The following EPHA5 variants were observed in gnomAD, a reference collection of about 807,000 sequenced individuals.
The protein encoded by EPHA5 is ephrin type-A receptor 5.
In EPHA5, 60 loss-of-function variants were observed where a neutral mutation model predicts 105.0. The ratio of observed to expected loss-of-function variants is 0.57; its 90% CI spans 0.46 to 0.71. The LOEUF (loss-of-function observed/expected upper bound fraction) is 0.71. Among genes scored for constraint, EPHA5 ranks in the 30% least tolerant of loss-of-function variants. The pLI, the probability that EPHA5 is intolerant of heterozygous loss-of-function variation, is 0.00. For missense variants in EPHA5, 1,218 were observed against 1,274.7 expected, an observed-to-expected ratio of 0.96 and a Z score of 0.68; for synonymous variants, 513 against 449.1, an observed-to-expected ratio of 1.14 and a Z score of -1.80.
Position 65,539,797 on chromosome 4 carries a change from T to A in EPHA5, c.911-44254A>T, listed in dbSNP as rs77888967. 8.0e-3 allele frequency among the ~76,000 whole-genome samples: 1,221 copies of A among 151,744 alleles called. 16 individuals carry two copies. Among genetic ancestry groups the A allele is most frequent in the African/African-American group, 0.027 (1,140 of 41,520 alleles). ...TTGCTGTTACTATGAGTAATATTAG[T>A]GTTGATATCACCTTATTTCTGTTTT... On this transcript the variant is annotated intron_variant, in intron 3 of 16. Transcript: ENST00000613740.
At chr4:65,562,368 G>T (rs549914683) in intron 3 of EPHA5, among the ~76,000 whole-genome samples, 3 of 151,972 alleles carry the variant, frequency 2.0e-5, no homozygotes, top group African/African-American at 7.2e-5. Flanking sequence ...TTTTGGAGAC[G>T]TTTAGGGTTC....
intron 8 of EPHA5, among the ~76,000 whole-genome samples, chr4:65,373,775 C>G (rs148452843): frequency 3.3e-5 from 5 of 151,828 alleles, no homozygotes; most frequent in Non-Finnish European, 7.4e-5. Flanking sequence ...TTTAACATCT[C>G]TATTTTCAAA....
chr4:65,424,232 G>C (rs191678918), intron 5 of EPHA5, among the ~76,000 whole-genome samples: 62 of 152,042 alleles, frequency 4.1e-4, no homozygotes, highest in Non-Finnish European at 6.3e-4. Flanking sequence ...TGATATCAAT[G>C]ATATACAAAA....
At chr4:65,334,908 T>C (rs1206586662) in intron 15 of EPHA5, among the ~76,000 whole-genome samples, 2 of 151,920 alleles carry the variant, frequency 1.3e-5, no homozygotes, top group Non-Finnish European at 2.9e-5. Flanking sequence ...AATAAGCAAT[T>C]TAAAAGCAGA....
intron 1 of EPHA5, among the ~76,000 whole-genome samples, chr4:65,664,462 C>T (rs1414823438): frequency 6.6e-6 from 1 of 151,872 alleles, no homozygotes; most frequent in Non-Finnish European, 1.5e-5. Flanking sequence ...ACAAAGCCTT[C>T]AGAACTCATT....
chr4:65,664,188 TA>T (rs1232829653), intron 1 of EPHA5, among the ~76,000 whole-genome samples: 1 of 151,868 alleles, frequency 6.6e-6, no homozygotes, highest in African/African-American at 2.4e-5. Context: ...ATCAAATACT[TA>T]AAAAATAGAT....
intron 5 of EPHA5, among the ~76,000 whole-genome samples, chr4:65,442,555 T>C (rs1281933935): frequency 6.6e-6 from 1 of 152,174 alleles, no homozygotes; most frequent in African/African-American, 2.4e-5. Flanking sequence ...CAAATCTATA[T>C]ATCAGTGCCA....
At chr4:65,351,640 C>G (rs773172533) in intron 12 of EPHA5, 42 bp from the exon 13 acceptor site, 1 of 1,569,282 alleles carries the variant, frequency 6.4e-7, no homozygotes, top group Non-Finnish European at 8.8e-7. Flanking sequence ...CAACACCAAT[C>G]ACTGGGGGAA....
intron 3 of EPHA5, among the ~76,000 whole-genome samples, chr4:65,557,232 G>GTATATATATATATATATA (rs1738538201): frequency 6.9e-5 from 1 of 14,422 alleles, no homozygotes; most frequent in African/African-American, 1.8e-4. Flanking sequence ...ATTTATACTG[G>GTATATATATATATATATA]GATATATATA....
At chr4:65,369,965 TCAA>T (rs1030368594) in intron 8 of EPHA5, among the ~76,000 whole-genome samples, 8 of 152,018 alleles carry the variant, frequency 5.3e-5, no homozygotes, top group Non-Finnish European at 1.0e-4. Flanking sequence ...AGACTCCATC[TCAA>T]CAACAACAAC....
intron 3 of EPHA5, among the ~76,000 whole-genome samples, chr4:65,501,839 C>T (rs982140336): frequency 6.6e-6 from 1 of 151,634 alleles, no homozygotes; most frequent in Non-Finnish European, 1.5e-5. Context: ...ATTACATTAC[C>T]CAACTTCAAA....
At chr4:65,494,260 A>T (rs1731703251) in intron 4 of EPHA5, among the ~76,000 whole-genome samples, 1 of 152,206 alleles carries the variant, frequency 6.6e-6, no homozygotes, top group South Asian at 2.1e-4. Flanking sequence ...TGAAATTTAG[A>T]CACTATGAAA....
chr4:65,465,542 GA>G (rs1560567714), intron 5 of EPHA5, among the ~76,000 whole-genome samples: 4 of 66,424 alleles, frequency 6.0e-5, no homozygotes, highest in African/African-American at 2.7e-4. Flanking sequence ...GAAAGGAAAG[GA>G]AGGAAAGGAA....
intron 3 of EPHA5, among the ~76,000 whole-genome samples, chr4:65,589,506 T>C (rs1435059610): frequency 6.6e-6 from 1 of 152,124 alleles, no homozygotes; most frequent in Non-Finnish European, 1.5e-5. Flanking sequence ...GTCTTCACTG[T>C]TGTGACATTT....
chr4:65,410,149 A>G (rs925839332), intron 7 of EPHA5, among the ~76,000 whole-genome samples: 1 of 152,228 alleles, frequency 6.6e-6, no homozygotes, highest in African/African-American at 2.4e-5. Context: ...CAAAAACTGT[A>G]ATCAGCCCTG....
intron 11 of EPHA5, 71 bp downstream of exon 11, chr4:65,364,946 C>G: frequency 7.9e-7 from 1 of 1,259,304 alleles, no homozygotes; most frequent in East Asian, 2.5e-5. Context: ...TTCTCTTTAC[C>G]CTAAATTAAT....
intron 3 of EPHA5, among the ~76,000 whole-genome samples, chr4:65,551,942 AT>A (rs1327015591): frequency 6.6e-6 from 1 of 152,076 alleles, no homozygotes; most frequent in East Asian, 1.9e-4. Flanking sequence ...TATTTTGGTA[AT>A]TTTTTTCCTC....
intron 14 of EPHA5, among the ~76,000 whole-genome samples, chr4:65,340,659 T>C (rs909821158): frequency 5.9e-5 from 9 of 152,160 alleles, no homozygotes; most frequent in African/African-American, 2.2e-4. Context: ...GTTCATTTAG[T>C]AACCTGCCTT....
At chr4:65,420,363 T>C in intron 6 of EPHA5, 78 bp downstream of exon 6, 1 of 1,384,918 alleles carries the variant, frequency 7.2e-7, no homozygotes, top group Non-Finnish European at 9.8e-7. Context: ...AACATACTCT[T>C]CTGCAAGTTG....
Sources: allele counts gnomAD v4.1 joint callset (sites outside exome capture counted in the v4.1 genomes callset), GRCh38; gene constraint gnomAD v4.1.1; transcripts MANE v1.5; gene names NCBI Gene and HGNC (gene_info 2026-07-23, HGNC 2026-07-21).